ZNF358: variants seen among roughly 807,000 people sequenced by gnomAD.
ZNF358 encodes zinc finger protein 358.
A neutral mutation model predicts 2.1 loss-of-function variants in ZNF358; 1 was observed. The ratio of observed to expected loss-of-function variants is 0.49; its 90% confidence interval spans 0.17 to 2.30. ZNF358 has a LOEUF of 2.30. ZNF358 is among the 30% of genes most tolerant of loss of function. The probability of loss-of-function intolerance (pLI) is 0.26; values close to 1 mark genes in which losing one functional copy is unlikely to be tolerated. For missense variants in ZNF358, 665 were observed against 806.8 expected (o/e 0.82, Z 2.13); for synonymous variants, 381 against 359.7 (o/e 1.06, Z -0.67).
upstream of ZNF358, among the ~76,000 whole-genome samples, chr19:7,514,664 G>T (rs1017330762): frequency 6.6e-6 from 1 of 152,134 alleles, no homozygotes; most frequent in Non-Finnish European, 1.5e-5. Flanking sequence ...ACGGAGTCTC[G>T]CTCTGTTGCC....
chr19:7,520,993 G>A lies in ZNF358; in HGVS notation c.*44G>A. 1 of 1,586,968 alleles carries A rather than the reference G, an allele frequency of 6.3e-7. No homozygotes were observed. Among genetic ancestry groups the A allele is most frequent in the Non-Finnish European group, 8.6e-7 (1 of 1,164,854 alleles). On this transcript the variant is annotated 3_prime_UTR_variant, in exon 2 of 2. Transcript: ENST00000597229. This position sits in a 1 kb window ranked among gnomAD's most constrained non-coding sequence, Gnocchi z 6.0. ...CGGGGGCCTGGGGAAGTTGTGTGTT[G>A]TGCAGTCAGTAAAATCCTCCCACTG...
At chr19:7,515,313 G>C (rs1021233895), upstream of ZNF358, 4 of 146,944 alleles carry the variant, frequency 2.7e-5, no homozygotes, top group Admixed American at 2.0e-4. Context: ...AGTTTGCCCC[G>C]AGCCCTTCCC....
Position 7,519,287 on chromosome 19 carries a change from G to A in ZNF358, c.45G>A (p.Leu15=). The A allele has an allele frequency of 6.2e-7, 1 of 1,614,046 alleles. No individual in the cohort carries two copies. Among genetic ancestry groups the A allele is most frequent in the Non-Finnish European group, 8.5e-7 (1 of 1,180,016 alleles). ...TCAGGAACCCAGGCCACAAAGGCCT[G>A]AGACCCGTTTATGAAGAGCTCGACT... ...VLVRNPGHKG[L]RPVYEELDSD... Residue 15 remains leucine, a synonymous_variant, in exon 2 of 2, where the codon CTG becomes CTA. Coordinates refer to ENST00000597229, the MANE Select transcript of ZNF358 (RefSeq NM_018083.5).
intron 1 of ZNF358, among the ~76,000 whole-genome samples, chr19:7,518,504 G>C (rs898287613): frequency 7.1e-6 from 1 of 141,642 alleles, no homozygotes; most frequent in Non-Finnish European, 1.5e-5. Context: ...GAAGAAGAGA[G>C]AGAAGGAAGG....
chr19:7,520,690 G>C lies in ZNF358; in HGVS notation c.1448G>C (p.Arg483Thr). The stretch of plus-strand genomic sequence containing the variant: ...AGCTCCAAACCCCTCCCCGGCTCCA[G>C]ATCCACCCCCAGCCCTACTCCTGTG... Reference protein sequence around the residue: ...DPSSKPLPGSRSTPSPTPVES... With the variant: ...DPSSKPLPGSTSTPSPTPVES... Residue 483 changes from arginine to threonine, a missense_variant, in exon 2 of 2, where the codon AGA becomes ACA. This residue lies in a region of ZNF358 where 249 missense variants were observed against 227.6 expected (regional missense o/e 1.09). Coordinates refer to ENST00000597229, the MANE Select transcript of ZNF358 (RefSeq NM_018083.5). This position sits in a 1 kb window ranked among gnomAD's most constrained non-coding sequence, Gnocchi z 6.0. 6.2e-7 allele frequency: 1 copy of C among 1,613,630 alleles called. No homozygotes were observed. Among genetic ancestry groups the C allele is most frequent in the Non-Finnish European group, 8.5e-7 (1 of 1,179,876 alleles).
In ZNF358 at chr19:7,519,702, C is replaced by CCGGATTG; in HGVS notation, c.464_470dup (p.Arg158LeufsTer243). ...CAGCCCGCCCCGGCCCTTCTCCTGCCCGGATTGCGGGCGAGCCTTCCGCCG... is the reference window on the plus strand; with the variant it reads ...CAGCCCGCCCCGGCCCTTCTCCTGCCCGGATTGCGGATTGCGGGCGAGCCTTCCGCCG... On this transcript the variant is annotated frameshift_variant, in exon 2 of 2. Coordinates refer to ENST00000597229, the MANE Select transcript of ZNF358 (RefSeq NM_018083.5). LOFTEE classifies it low-confidence loss of function (END_TRUNC). The CCGGATTG allele has an allele frequency of 6.3e-7, 1 of 1,585,580 alleles. No individual in the cohort carries two copies. Among genetic ancestry groups the CCGGATTG allele is most frequent in the Non-Finnish European group, 8.5e-7 (1 of 1,173,478 alleles).
intron 1 of ZNF358, among the ~76,000 whole-genome samples, chr19:7,518,948 C>T (rs2022403146): frequency 6.6e-6 from 1 of 151,510 alleles, no homozygotes; most frequent in Admixed American, 6.6e-5. Flanking sequence ...ACCTGTAATC[C>T]CAGCTACTCA....
Position 7,516,197 on chromosome 19 carries a change from G to A in ZNF358, c.-91G>A, listed in dbSNP as rs1421444828. On this transcript the variant is annotated 5_prime_UTR_variant, in exon 1 of 2. Transcript: ENST00000597229. This position sits in a 1 kb window ranked among gnomAD's most constrained non-coding sequence, Gnocchi z 5.9. ...GGGGGGCTTCCTGCGGGCCCGGGGG[G>A]AGCCGGCGGCCGGCGCGGGCGCGGC... The A allele has an allele frequency of 7.0e-6, 1 of 143,298 alleles. No individual in the cohort carries two copies. Among genetic ancestry groups the A allele is most frequent in the African/African-American group, 2.5e-5 (1 of 39,896 alleles). 8.9% of individuals were successfully genotyped at this position (143,298 alleles called of 1,614,324 possible). A position where few individuals can be genotyped will look rare whatever the true frequency, so the allele number is the denominator to read the frequency against.
In ZNF358 at chr19:7,520,902, C is replaced by T. The variant is rs780359084; in HGVS notation, c.1660C>T (p.Pro554Ser). The T allele has an allele frequency of 1.2e-6, 2 of 1,614,072 alleles. No individual in the cohort carries two copies. Among genetic ancestry groups the T allele is most frequent in the Non-Finnish European group, 1.7e-6 (2 of 1,180,014 alleles). The stretch of plus-strand genomic sequence containing the variant: ...CCCAGCCCTCCCTACCGGCGAGAGT[C>T]CAGAGTGGGTACAGGAGCAAGGGGC... ...VSPALPTGES[P>S]EWVQEQGALL... Residue 554 changes from proline to serine, a missense_variant, in exon 2 of 2, where the codon CCA (proline) becomes TCA (serine). Physicochemically the swap from Pro to Ser is moderately conservative, Grantham distance 74. This residue lies in a region of ZNF358 where 249 missense variants were observed against 227.6 expected (regional missense o/e 1.09). Coordinates refer to ENST00000597229, the MANE Select transcript of ZNF358 (RefSeq NM_018083.5). The surrounding 1 kb of genome is among the most constrained non-coding windows in gnomAD (Gnocchi z 6.0).
In ZNF358 at chr19:7,520,454, A is replaced by G; in HGVS notation, c.1212A>G (p.Ala404=). 7.8e-7 allele frequency: 1 copy of G among 1,284,892 alleles called. No homozygotes were observed. Among genetic ancestry groups the G allele is most frequent in the East Asian group, 3.2e-5 (1 of 31,462 alleles). The allele number at this position is 1,284,892 out of a possible 1,614,324, so 79.6% of individuals were successfully genotyped here. The change falls in exon 2 of 2, where the codon GCA becomes GCG. Residue 404 remains alanine, a synonymous_variant. Transcript: ENST00000597229. The surrounding 1 kb of genome is among the most constrained non-coding windows in gnomAD (Gnocchi z 6.0). ...KRVHEGAAAA[A]AAAAAAAAAA... is the part of the protein sequence containing the mutation. ...TGCATGAGGGTGCAGCCGCTGCTGC[A>G]GCTGCCGCGGCCGCTGCAGCTGCAG...
chr19:7,519,124 T>G, intron 1 of ZNF358, 81 bp from the exon 2 acceptor site: 1 of 1,294,148 alleles, frequency 7.7e-7, no homozygotes, highest in East Asian at 2.5e-5. Context: ...GTCCCGTCTC[T>G]CATCCCTAAC....
chr19:7,515,458 G>A (rs766293061), upstream of ZNF358: 3 of 152,232 alleles, frequency 2.0e-5, no homozygotes, highest in African/African-American at 7.2e-5. Context: ...GTGCCTTGGC[G>A]GGTGTTACCC....
In ZNF358 at chr19:7,520,772, A is replaced by C. The variant is rs1291462268; in HGVS notation, c.1530A>C (p.Pro510=). Residue 510 remains proline (P), a synonymous_variant, in exon 2 of 2, where the codon CCA becomes CCC. Transcript: ENST00000597229. The surrounding 1 kb of genome is among the most constrained non-coding windows in gnomAD (Gnocchi z 6.0). ...CTGGTCCCGACCTTGTGCCCAGCCC[A>C]GACCTTGATCCTGTGCCCAGCCCAG... is the stretch of plus-strand genomic sequence containing the variant. ...HDAGPDLVPS[P]DLDPVPSPDP... is the part of the protein sequence containing the mutation. The C allele has an allele frequency of 2.5e-6, 4 of 1,613,334 alleles. No individual in the cohort carries two copies. Among genetic ancestry groups the C allele is most frequent in the Middle Eastern group, 1.6e-4 (1 of 6,084 alleles).
rs1319956757 is a variant in ZNF358 at position 7,520,434 on chromosome 19, G to A, written c.1192G>A (p.Glu398Lys). The change falls in exon 2 of 2, where the codon GAG becomes AAG. Residue 398 changes from glutamate (E) to lysine (K), a missense_variant. This residue lies in a region of ZNF358 where 210 missense variants were observed against 350.8 expected (regional missense o/e 0.60). Transcript: ENST00000597229. The surrounding 1 kb of genome is among the most constrained non-coding windows in gnomAD (Gnocchi z 6.0). ...SSLTKHKRVH[E>K]GAAAAAAAAA... The stretch of plus-strand genomic sequence containing the variant: ...CCTCACCAAGCACAAACGGGTGCAT[G>A]AGGGTGCAGCCGCTGCTGCAGCTGC... 1 of 1,604,806 alleles carries A rather than the reference G, an allele frequency of 6.2e-7. No individual in the cohort carries two copies. Among genetic ancestry groups the A allele is most frequent in the East Asian group, 2.3e-5 (1 of 44,236 alleles).
chr19:7,520,550 C>G lies in ZNF358; in HGVS notation c.1308C>G (p.Ser436=), dbSNP rs2022459495. 6 of 1,257,144 alleles carry G rather than the reference C, an allele frequency of 4.8e-6. No homozygotes were observed. Among genetic ancestry groups the G allele is most frequent in the Non-Finnish European group, 5.7e-6 (5 of 879,174 alleles). The allele number at this position is 1,257,144 out of a possible 1,614,324, so 77.9% of individuals were successfully genotyped here. A position where few individuals can be genotyped will look rare whatever the true frequency, so the allele number is the denominator to read the frequency against. The part of the protein sequence containing the change: ...PASMMRPGQV[S]LLGPDAVSVL... ...CCATGATGAGGCCGGGGCAGGTCTC[C>G]CTCCTGGGTCCTGATGCTGTTTCTG... is the stretch of plus-strand genomic sequence containing the variant. The change falls in exon 2 of 2, where the codon TCC becomes TCG. Residue 436 remains serine (S), a synonymous_variant. Coordinates refer to ENST00000597229, the MANE Select transcript of ZNF358 (RefSeq NM_018083.5). This position sits in a 1 kb window ranked among gnomAD's most constrained non-coding sequence, Gnocchi z 6.0.
Position 7,519,618 on chromosome 19 carries a change from G to A in ZNF358, c.376G>A (p.Gly126Ser). The change falls in exon 2 of 2, where the codon GGC (glycine) becomes AGC (serine). Residue 126 changes from glycine (G) to serine (S), a missense_variant. This residue lies in a region of ZNF358 where 206 missense variants were observed against 228.4 expected (regional missense o/e 0.90). Coordinates refer to ENST00000597229, the MANE Select transcript of ZNF358 (RefSeq NM_018083.5). ...TCCAAAAGTGGACCCCATCTCCTCT[G>A]GCCTCACTGCCACCCCCCAGGTCTT... ...GDPKVDPISS[G>S]LTATPQVLAT... 6.3e-7 allele frequency: 1 copy of A among 1,597,090 alleles called. No individual in the cohort carries two copies. Among genetic ancestry groups the A allele is most frequent in the Non-Finnish European group, 8.5e-7 (1 of 1,178,516 alleles).
chr19:7,515,784 G>T (rs549821875), upstream of ZNF358, among the ~76,000 whole-genome samples: 1 of 152,208 alleles, frequency 6.6e-6, no homozygotes, highest in South Asian at 2.1e-4. Flanking sequence ...ACAGAGATGG[G>T]AAGACAGGGA....
chr19:7,520,946 C>G lies in ZNF358; in HGVS notation c.1704C>G (p.Gly568=), dbSNP rs2022479267. The G allele has an allele frequency of 1.2e-6, 2 of 1,611,472 alleles. No individual in the cohort carries two copies. Among genetic ancestry groups the G allele is most frequent in the Non-Finnish European group, 1.7e-6 (2 of 1,178,362 alleles). ...QEQGALLGPD[G] ...AAGGGGCACTGCTGGGGCCTGATGG[C>G]TGAAGGAGACGCCGGCATCCTCGGG... Residue 568 remains glycine (G), a synonymous_variant, in exon 2 of 2, where the codon GGC becomes GGG. Transcript: ENST00000597229. The surrounding 1 kb of genome is among the most constrained non-coding windows in gnomAD (Gnocchi z 6.0).
chr19:7,519,123 C>T (rs1341623197), intron 1 of ZNF358, 82 bp from the exon 2 acceptor site: 28 of 1,409,008 alleles, frequency 2.0e-5, no homozygotes, highest in Non-Finnish European at 2.4e-5. Flanking sequence ...GGTCCCGTCT[C>T]TCATCCCTAA....
Sources: gnomAD v4.1 joint callset for allele counts (sites outside exome capture counted in the v4.1 genomes callset) on GRCh38, gnomAD v4.1.1 for gene constraint, gnomAD v4.1.1 regional missense constraint, Gnocchi (gnomAD v3.1) non-coding constraint, MANE v1.5 for transcripts, NCBI Gene and HGNC (gene_info 2026-07-23, HGNC 2026-07-21) for gene names.